Variants in CLEC20A observed in about 807,000 individuals in gnomAD.
CLEC20A encodes C-type lectin domain containing 20A.
intron 5 of CLEC20A, among the ~76,000 whole-genome samples, chr1:178,487,154 C>T (rs948665770): frequency 1.3e-5 from 2 of 152,216 alleles, no homozygotes; most frequent in Non-Finnish European, 2.9e-5. Flanking sequence ...GCTCCCCGGG[C>T]CTGTGCCTCT....
At chr1:178,498,606 A>G (rs1427749649), upstream of CLEC20A, among the ~76,000 whole-genome samples, 1 of 152,130 alleles carries the variant, frequency 6.6e-6, no homozygotes, top group African/African-American at 2.4e-5. Flanking sequence ...AAATAAATAA[A>G]CAAGTAAAAC....
chr1:178,496,661 G>C, intron 1 of CLEC20A: 1 of 395,480 alleles, frequency 2.5e-6, no homozygotes, highest in Non-Finnish European at 4.5e-6. Flanking sequence ...AGCTGCTGGA[G>C]CCGCACTGTT....
intron 7 of CLEC20A, chr1:178,481,223 T>C (rs1236274624): frequency 1.3e-5 from 2 of 152,240 alleles, no homozygotes; most frequent in Admixed American, 6.5e-5. Context: ...GTAAATTGTG[T>C]GCTATACATT....
chr1:178,496,891 G>A lies in CLEC20A; in HGVS notation c.40+9C>T, dbSNP rs1649407340. On this transcript the variant is annotated intron_variant, in intron 1 of 7. Coordinates refer to ENST00000623247, the Ensembl canonical transcript of CLEC20A. ...GCCAGGCACCCTCCTCCAGGTTGGG[G>A]GGCCTCACCTGCTGCGCAGAAGGAG... 5.0e-6 allele frequency: 2 copies of A among 398,674 alleles called. No individual in the cohort carries two copies. The highest frequency in any genetic ancestry group is 4.4e-5 in the Admixed American group (1 of 22,718). The allele number at this position is 398,674 out of a possible 1,614,324, so 24.7% of individuals were successfully genotyped here.
intron 1 of CLEC20A, chr1:178,496,674 T>G (rs1294034738): frequency 2.5e-6 from 1 of 396,702 alleles, no homozygotes; most frequent in Non-Finnish European, 4.4e-6. Flanking sequence ...GCACTGTTTC[T>G]GACTGCTGCC....
chr1:178,481,192 T>A (rs1648975093), intron 7 of CLEC20A: 1 of 152,202 alleles, frequency 6.6e-6, no homozygotes, highest in Non-Finnish European at 1.5e-5. Flanking sequence ...ATAAAGAGTA[T>A]TATATATTTT....
intron 5 of CLEC20A, chr1:178,486,325 G>A: frequency 2.5e-6 from 1 of 397,744 alleles, no homozygotes; most frequent in East Asian, 3.6e-5. Flanking sequence ...TCCCTGGCCT[G>A]CACCCTACTC....
At chr1:178,492,927 G>A (rs1290627210) in intron 2 of CLEC20A, among the ~76,000 whole-genome samples, 1 of 152,218 alleles carries the variant, frequency 6.6e-6, no homozygotes. Flanking sequence ...TAGGAGATGA[G>A]GCCGAAGAGG....
At chr1:178,490,320 G>A (rs957608428) in exon 4 of CLEC20A, 7 of 398,648 alleles carry the variant, frequency 1.8e-5, no homozygotes, top group African/African-American at 6.2e-5. Flanking sequence ...TGTCTCATCC[G>A]TCACCATCTG....
intron 6 of CLEC20A, chr1:178,482,692 T>A (rs1215161847): frequency 3.9e-6 from 1 of 257,700 alleles, no homozygotes; most frequent in African/African-American, 2.2e-5. Context: ...TTACTTTTAA[T>A]CCAGTAAGTA....
intron 5 of CLEC20A, among the ~76,000 whole-genome samples, chr1:178,487,715 G>A (rs545690699): frequency 6.6e-6 from 1 of 152,316 alleles, no homozygotes; most frequent in African/African-American, 2.4e-5. Flanking sequence ...CTTGCCTGGT[G>A]GCTGTGCCTG....
At chr1:178,494,982 G>A (rs922018486) in intron 1 of CLEC20A, among the ~76,000 whole-genome samples, 172 bp from the exon 2 acceptor site, 2 of 152,182 alleles carry the variant, frequency 1.3e-5, no homozygotes, top group Non-Finnish European at 2.9e-5. Context: ...GGCACAAGCT[G>A]TTCTCTTGTT....
In CLEC20A at chr1:178,492,582, A is replaced by G. The variant is rs1649290489; in HGVS notation, c.398-16T>C. The G allele has an allele frequency of 5.0e-6, 2 of 398,496 alleles. No individual in the cohort carries two copies. The highest frequency in any genetic ancestry group is 1.3e-4 in the South Asian group (1 of 7,856). 24.7% of individuals were successfully genotyped at this position (398,496 alleles called of 1,614,324 possible). A position where few individuals can be genotyped will look rare whatever the true frequency, so the allele number is the denominator to read the frequency against. On this transcript the variant is annotated splice_polypyrimidine_tract_variant and intron_variant, in intron 2 of 7. Coordinates refer to ENST00000623247, the Ensembl canonical transcript of CLEC20A. ...ACGTCAGGGTCTGTAAAACAGAAAC[A>G]GACCACGAGTTATGGGGAGGCCCAG...
At chr1:178,490,428 T>G in exon 4 of CLEC20A, 1 of 398,712 alleles carries the variant, frequency 2.5e-6, no homozygotes, top group Non-Finnish European at 4.4e-6. Flanking sequence ...ACCACTGATC[T>G]GGACCACAGC....
At chr1:178,492,408 G>C (rs1282514881) in intron 3 of CLEC20A, 93 bp downstream of exon 3, 2 of 398,384 alleles carry the variant, frequency 5.0e-6, no homozygotes, top group African/African-American at 2.1e-5. Context: ...GAGGGGACGC[G>C]GGGGTGGAGA....
chr1:178,488,699 T>A (rs987826371), intron 4 of CLEC20A, 100 bp from the exon 5 acceptor site: 6 of 397,794 alleles, frequency 1.5e-5, no homozygotes, highest in African/African-American at 1.2e-4. Flanking sequence ...TTGCCCATCA[T>A]GGTAGCCAAA....
chr1:178,492,934 G>T (rs530464004), intron 2 of CLEC20A, among the ~76,000 whole-genome samples: 63 of 152,372 alleles, frequency 4.1e-4, no homozygotes, highest in African/African-American at 1.5e-3. Context: ...TGAGGCCGAA[G>T]AGGGGAGGCG....
upstream of CLEC20A, among the ~76,000 whole-genome samples, chr1:178,497,822 G>A (rs189129612): frequency 3.9e-3 from 588 of 152,240 alleles, 2 homozygotes; most frequent in Admixed American, 8.1e-3. Flanking sequence ...TAAGCAGATC[G>A]GGGAGGGAAG....
chr1:178,494,652 C>A, exon 2 of CLEC20A: 1 of 399,580 alleles, frequency 2.5e-6, no homozygotes, highest in Non-Finnish European at 4.4e-6. Context: ...CCAATCCAAG[C>A]CGGGGTGCTG....
Sources: allele counts gnomAD v4.1 joint callset (sites outside exome capture counted in the v4.1 genomes callset), GRCh38; gene constraint gnomAD v4.1.1; transcripts MANE v1.5; gene names NCBI Gene and HGNC (gene_info 2026-07-23, HGNC 2026-07-21).